CEP83: variants seen among roughly 807,000 people sequenced by gnomAD.
CEP83 encodes the protein centrosomal protein of 83 kDa.
A neutral mutation model predicts 101.9 loss-of-function variants in CEP83; 70 were observed. That is an observed-to-expected ratio of 0.69 (90% CI 0.57 to 0.84). The LOEUF (loss-of-function observed/expected upper bound fraction) is 0.84. CEP83 is among the 40% of genes least tolerant of loss of function. The probability of loss-of-function intolerance (pLI) is 0.00; values close to 1 mark genes in which losing one functional copy is unlikely to be tolerated. For missense variants in CEP83, 715 were observed against 787.2 expected, an observed-to-expected ratio of 0.91 and a Z score of 1.10; for synonymous variants, 264 against 267.9, an observed-to-expected ratio of 0.99 and a Z score of 0.14.
chr12:94,430,586 T>C (rs2065545981), intron 2 of CEP83, among the ~76,000 whole-genome samples: 1 of 151,812 alleles, frequency 6.6e-6, no homozygotes, highest in Non-Finnish European at 1.5e-5. Flanking sequence ...AGGTAAAGAA[T>C]AAAAAACAGT....
chr12:94,415,377 G>A (rs1198121655), intron 2 of CEP83, among the ~76,000 whole-genome samples: 1 of 152,098 alleles, frequency 6.6e-6, no homozygotes, highest in African/African-American at 2.4e-5. Flanking sequence ...AGGTTTGTGA[G>A]AGATGAATCT....
chr12:94,344,636 T>C (rs2059848317), intron 11 of CEP83, among the ~76,000 whole-genome samples: 1 of 152,162 alleles, frequency 6.6e-6, no homozygotes, highest in South Asian at 2.1e-4. Flanking sequence ...GAACATGATA[T>C]ATACAATGAA....
chr12:94,303,971 T>C (rs1968746139), downstream of CEP83: 1 of 1,605,522 alleles, frequency 6.2e-7, no homozygotes, highest in South Asian at 1.1e-5. Flanking sequence ...CAAGTCTTTC[T>C]TTTAGAAACA....
At chr12:94,276,183 A>G in the CEP83 span, among the ~76,000 whole-genome samples, 3 of 152,212 alleles carry the variant, frequency 2.0e-5, no homozygotes, top group African/African-American at 4.8e-5. Context: ...TTATAAAACT[A>G]TTAAACAAGC....
At chr12:94,298,826 C>A in the CEP83 span, 1 of 1,586,614 alleles carries the variant, frequency 6.3e-7, no homozygotes. Flanking sequence ...TGACTGTTTT[C>A]AAGAATCTGG....
intron 2 of CEP83, chr12:94,424,857 T>C: frequency 1.2e-6 from 2 of 1,602,206 alleles, no homozygotes; most frequent in Non-Finnish European, 1.7e-6. Flanking sequence ...GGTGTACTGT[T>C]GCTTGGGCTA....
chr12:94,400,179 G>A (rs1217321745), intron 6 of CEP83, among the ~76,000 whole-genome samples: 1 of 152,102 alleles, frequency 6.6e-6, no homozygotes, highest in East Asian at 1.9e-4. Flanking sequence ...AATATGGCAG[G>A]ATAAAATTAG....
At chr12:94,387,214 C>T (rs980384005) in intron 6 of CEP83, among the ~76,000 whole-genome samples, 4 of 152,118 alleles carry the variant, frequency 2.6e-5, no homozygotes, top group Admixed American at 2.6e-4. Context: ...AGGCCATGGA[C>T]CATTACCAGT....
At chr12:94,279,807 A>G in the CEP83 span, 1 of 735,608 alleles carries the variant, frequency 1.4e-6, no homozygotes, top group Non-Finnish European at 2.4e-6. Context: ...GGGCCAAGAG[A>G]CTGCTTTGGT....
intron 11 of CEP83, among the ~76,000 whole-genome samples, chr12:94,342,327 AT>A (rs1217682050): frequency 6.6e-6 from 1 of 152,226 alleles, no homozygotes; most frequent in Non-Finnish European, 1.5e-5. Flanking sequence ...GACATAAAGC[AT>A]TTCCAAGTGT....
intron 11 of CEP83, among the ~76,000 whole-genome samples, chr12:94,366,037 C>T (rs184830653): frequency 1.4e-3 from 213 of 151,958 alleles, no homozygotes; most frequent in Non-Finnish European, 2.3e-3. Flanking sequence ...AGATTAATCT[C>T]ACATGGGGCA....
Position 94,378,812 on chromosome 12 carries a change from C to T in CEP83, c.780G>A (p.Gln260=), listed in dbSNP as rs2061684606. ...TTACCTCCAGGGATCTGACTGTAGCCTGCATCTCAGCCAACTGCCGCACCT... is the reference window on the plus strand; with the variant it reads ...TTACCTCCAGGGATCTGACTGTAGCTTGCATCTCAGCCAACTGCCGCACCT... ...RIQVRQLAEM[Q]ATVRSLEAEK... is the part of the protein sequence containing the mutation. The change falls in exon 7 of 17, where the codon CAG becomes CAA. Residue 260 remains glutamine, a synonymous_variant. Coordinates refer to ENST00000397809, the MANE Select transcript of CEP83 (RefSeq NM_016122.3). 2 of 1,613,928 alleles carry T rather than the reference C, an allele frequency of 1.2e-6. No individual in the cohort carries two copies. Among genetic ancestry groups the T allele is most frequent in the African/African-American group, 2.7e-5 (2 of 74,922 alleles).
At chr12:94,266,956 G>A in the CEP83 span, among the ~76,000 whole-genome samples, 1 of 152,196 alleles carries the variant, frequency 6.6e-6, no homozygotes, top group African/African-American at 2.4e-5. Context: ...CCCAGGCGTG[G>A]ATGTATTTTG....
chr12:94,337,770 G>C (rs1593239350), intron 11 of CEP83, among the ~76,000 whole-genome samples: 1 of 152,118 alleles, frequency 6.6e-6, no homozygotes, highest in African/African-American at 2.4e-5. Flanking sequence ...AAAGATACAG[G>C]TGACGAAGAG....
intron 6 of CEP83, among the ~76,000 whole-genome samples, chr12:94,379,966 TTTTG>T (rs1225478892): frequency 6.6e-6 from 1 of 151,752 alleles, no homozygotes; most frequent in Non-Finnish European, 1.5e-5. Flanking sequence ...CAGCTGGGTT[TTTTG>T]TTTGTTAAGA....
intron 11 of CEP83, among the ~76,000 whole-genome samples, chr12:94,359,365 A>G (rs1327080270): frequency 1.3e-5 from 2 of 152,240 alleles, no homozygotes; most frequent in East Asian, 1.9e-4. Flanking sequence ...GTTTTTTGAA[A>G]AAACAAAATT....
downstream of CEP83, chr12:94,306,749 C>T (rs1031806545): frequency 3.9e-5 from 6 of 152,090 alleles, no homozygotes; most frequent in Non-Finnish European, 7.4e-5. Flanking sequence ...TTCCTTTTTG[C>T]TTCTGTATTA....
At chr12:94,359,575 A>G (rs993699491) in intron 11 of CEP83, among the ~76,000 whole-genome samples, 1 of 152,160 alleles carries the variant, frequency 6.6e-6, no homozygotes, top group Non-Finnish European at 1.5e-5. Flanking sequence ...TCAAGACTGA[A>G]CCAAACAGAA....
At chr12:94,303,893 T>A, downstream of CEP83, 1 of 1,609,814 alleles carries the variant, frequency 6.2e-7, no homozygotes. Flanking sequence ...CTCAGGAATC[T>A]AAGGTATCAT....
Sources: gnomAD v4.1 joint callset for allele counts (sites outside exome capture counted in the v4.1 genomes callset) on GRCh38, gnomAD v4.1.1 for gene constraint, MANE v1.5 for transcripts, NCBI Gene and HGNC (gene_info 2026-07-23, HGNC 2026-07-21) for gene names.